RBFOX1: variants seen among roughly 807,000 people sequenced by gnomAD.
The protein encoded by RBFOX1 is RNA binding protein fox-1 homolog 1.
Under a neutral mutation model 57.7 loss-of-function variants are expected in RBFOX1, and 8 were observed. That is an observed-to-expected ratio of 0.14 (90% CI 0.08 to 0.25). RBFOX1 has a LOEUF of 0.25. Ranked by LOEUF, RBFOX1 falls within the 10% of genes least tolerant of loss-of-function variation. RBFOX1 has a pLI of 1.00. For missense variants in RBFOX1, 611 were observed against 548.5 expected (o/e 1.11, Z -1.14); for synonymous variants, 326 against 222.4 (o/e 1.47, Z -4.15).
intron 5 of RBFOX1, among the ~76,000 whole-genome samples, chr16:7,526,773 C>G (rs563336195): frequency 2.0e-5 from 3 of 152,246 alleles, no homozygotes; most frequent in Non-Finnish European, 4.4e-5. Flanking sequence ...GCCCTCCCCA[C>G]CACGTATGAA....
chr16:5,272,302 G>T (rs560168774), intron 1 of RBFOX1, among the ~76,000 whole-genome samples: 33 of 152,152 alleles, frequency 2.2e-4, no homozygotes, highest in Non-Finnish European at 4.1e-4. Flanking sequence ...ATTGTATACA[G>T]ATATCAAAAC....
chr16:6,666,262 AG>A (rs2098732074), intron 3 of RBFOX1, among the ~76,000 whole-genome samples: 1 of 152,164 alleles, frequency 6.6e-6, no homozygotes, highest in Admixed American at 6.5e-5. Context: ...GGCCGGGCAC[AG>A]TGGCTCATGC....
chr16:6,393,352 G>A (rs2092688934), intron 2 of RBFOX1, among the ~76,000 whole-genome samples: 1 of 152,186 alleles, frequency 6.6e-6, no homozygotes, highest in African/African-American at 2.4e-5. Context: ...GTCACCTGTG[G>A]AGCTTAGCAG....
rs372069989 is a variant in RBFOX1, at chr16:6,724,536, C to A, written c.-16+69886C>A. Reference sequence around the variant, plus strand: ...ATCTTCTGTGGACGAGGAAGCAGGCCCTCACCAGACACCAAATCTACCAGG... The same window carrying A: ...ATCTTCTGTGGACGAGGAAGCAGGCACTCACCAGACACCAAATCTACCAGG... On this transcript the variant is annotated intron_variant, in intron 3 of 15. Coordinates refer to ENST00000550418, the MANE Select transcript of RBFOX1 (RefSeq NM_018723.4). 2.0e-5 allele frequency among the ~76,000 whole-genome samples: 3 copies of A among 152,066 alleles called. No homozygotes were observed. In the East Asian group the frequency reaches 5.8e-4, roughly 30 times the overall value.
intron 3 of RBFOX1, among the ~76,000 whole-genome samples, chr16:7,043,141 A>T (rs1398686277): frequency 1.4e-5 from 2 of 147,550 alleles, no homozygotes; most frequent in African/African-American, 2.5e-5. Flanking sequence ...ACTCCTATTT[A>T]CTCAGTAAGG....
intron 4 of RBFOX1, among the ~76,000 whole-genome samples, chr16:7,212,755 T>C (rs919589626): frequency 1.3e-5 from 2 of 152,142 alleles, no homozygotes; most frequent in Middle Eastern, 3.2e-3. Context: ...GGTTGATAGG[T>C]GCAGCAAACC....
intron 1 of RBFOX1, among the ~76,000 whole-genome samples, chr16:6,297,700 A>C (rs530150287): frequency 6.6e-6 from 1 of 152,142 alleles, no homozygotes; most frequent in East Asian, 1.9e-4. Flanking sequence ...TATAAACCCC[A>C]AACACCCAGT....
At chr16:7,477,242 T>A (rs570825743) in intron 4 of RBFOX1, among the ~76,000 whole-genome samples, 4 of 152,286 alleles carry the variant, frequency 2.6e-5, no homozygotes, top group African/African-American at 7.2e-5. Context: ...AAGACATCGA[T>A]GCAAATATGG....
At chr16:5,623,134 A>G (rs1370148035) in intron 3 of RBFOX1, among the ~76,000 whole-genome samples, 1 of 152,166 alleles carries the variant, frequency 6.6e-6, no homozygotes, top group Non-Finnish European at 1.5e-5. Flanking sequence ...AAACTGGCCA[A>G]TCCCTGGCTT....
chr16:7,048,029 C>A (rs1179991417), intron 3 of RBFOX1, among the ~76,000 whole-genome samples: 1 of 151,586 alleles, frequency 6.6e-6, no homozygotes, highest in Non-Finnish European at 1.5e-5. Flanking sequence ...AAGGTGCCTG[C>A]CACAACGCCT....
chr16:6,247,492 A>T (rs986199318), intron 1 of RBFOX1, among the ~76,000 whole-genome samples: 1 of 152,236 alleles, frequency 6.6e-6, no homozygotes, highest in African/African-American at 2.4e-5. Flanking sequence ...TAATTTGAAC[A>T]GTTCTGCAGT....
intron 3 of RBFOX1, among the ~76,000 whole-genome samples, chr16:6,890,266 C>T (rs555510351): frequency 1.0e-3 from 152 of 152,254 alleles, no homozygotes; most frequent in African/African-American, 3.0e-3. Context: ...TGCCTGTAAT[C>T]CTGGCACTTT....
At chr16:5,639,801 G>A (rs538671406) in intron 3 of RBFOX1, among the ~76,000 whole-genome samples, 9 of 152,302 alleles carry the variant, frequency 5.9e-5, no homozygotes, top group Admixed American at 2.6e-4. Flanking sequence ...AGTCCCCTGG[G>A]CTGGTGTCGC....
chr16:6,964,105 G>A (rs1307736661), intron 3 of RBFOX1, among the ~76,000 whole-genome samples: 2 of 151,832 alleles, frequency 1.3e-5, no homozygotes, highest in Admixed American at 6.6e-5. Flanking sequence ...TGCAACCTCC[G>A]CCTCCCGAAT....
chr16:5,380,157 C>G (rs1169349202), intron 1 of RBFOX1, among the ~76,000 whole-genome samples: 1 of 152,204 alleles, frequency 6.6e-6, no homozygotes, highest in Non-Finnish European at 1.5e-5. Flanking sequence ...GGCAGAGGCT[C>G]TGATGACAGC....
intron 3 of RBFOX1, among the ~76,000 whole-genome samples, chr16:6,905,728 A>G (rs376987548): frequency 3.3e-5 from 5 of 152,266 alleles, no homozygotes; most frequent in East Asian, 3.9e-4. Context: ...TTTCTCTCCA[A>G]TGCCTGAGGC....
At chr16:5,963,977 G>T (rs1358592319) in intron 4 of RBFOX1, among the ~76,000 whole-genome samples, 1 of 152,102 alleles carries the variant, frequency 6.6e-6, no homozygotes, top group African/African-American at 2.4e-5. Context: ...CTATGAAATG[G>T]GAGAAAATAT....
At chr16:7,251,962 G>A (rs2094514603) in intron 4 of RBFOX1, among the ~76,000 whole-genome samples, 2 of 152,164 alleles carry the variant, frequency 1.3e-5, no homozygotes, top group African/African-American at 4.8e-5. Context: ...CAACAGTGGG[G>A]CACTGGGTGA....
intron 1 of RBFOX1, among the ~76,000 whole-genome samples, chr16:5,320,158 A>C (rs2151246411): frequency 6.6e-6 from 1 of 152,354 alleles, no homozygotes; most frequent in South Asian, 2.1e-4. Context: ...TTATGTGCAT[A>C]GGTGTGCGTG....
Sources: gnomAD v4.1 joint callset for allele counts (sites outside exome capture counted in the v4.1 genomes callset) on GRCh38, gnomAD v4.1.1 for gene constraint, MANE v1.5 for transcripts, NCBI Gene and HGNC (gene_info 2026-07-23, HGNC 2026-07-21) for gene names.